CA8: variants seen among roughly 807,000 people sequenced by gnomAD.
CA8 encodes carbonic anhydrase-related protein.
In CA8, 22 loss-of-function variants were observed where a neutral mutation model predicts 41.4. That is an observed-to-expected ratio of 0.53 (90% CI 0.38 to 0.76). The LOEUF is 0.76. CA8 is among the 30% of genes least tolerant of loss of function. The pLI is 0.00. For synonymous variants in CA8, 121 were observed against 130.6 expected (o/e 0.93, Z 0.50); for missense variants, 270 against 352.8 (o/e 0.77, Z 1.88).
intron 3 of CA8, among the ~76,000 whole-genome samples, chr8:60,237,680 CCAA>C (rs548420985): frequency 7.9e-4 from 121 of 152,330 alleles, no homozygotes; most frequent in African/African-American, 2.7e-3. Flanking sequence ...ACTATGGCTA[CCAA>C]CAACAACAGC....
chr8:60,208,706 T>C (rs1806726873), intron 8 of CA8, 44 bp downstream of exon 8: 1 of 1,541,394 alleles, frequency 6.5e-7, no homozygotes, highest in Non-Finnish European at 9.0e-7. Flanking sequence ...ACGCTAGGTT[T>C]AAGTAGCTGT....
chr8:60,228,392 T>C (rs1807516198), intron 4 of CA8, among the ~76,000 whole-genome samples: 3 of 152,354 alleles, frequency 2.0e-5, no homozygotes, highest in African/African-American at 7.2e-5. Context: ...CTTACTGGTT[T>C]AACCATACTA....
chr8:60,238,537 C>T (rs1393675751), intron 3 of CA8, among the ~76,000 whole-genome samples: 4 of 152,118 alleles, frequency 2.6e-5, no homozygotes, highest in Non-Finnish European at 5.9e-5. Context: ...CTTCATAGAA[C>T]TCCCCCTCCT....
intron 3 of CA8, among the ~76,000 whole-genome samples, chr8:60,255,900 C>G (rs373967789): frequency 2.9e-4 from 43 of 146,804 alleles, no homozygotes; most frequent in African/African-American, 8.3e-4. Flanking sequence ...TCCAACATTA[C>G]GCTATTAATT....
intron 7 of CA8, among the ~76,000 whole-genome samples, chr8:60,209,760 G>A (rs1235431138): frequency 6.6e-6 from 1 of 152,120 alleles, no homozygotes; most frequent in Non-Finnish European, 1.5e-5. Flanking sequence ...CCAAATTCCT[G>A]TCTTTACAAT....
chr8:60,195,302 C>T (rs981352829), intron 8 of CA8, among the ~76,000 whole-genome samples: 1 of 152,148 alleles, frequency 6.6e-6, no homozygotes, highest in Non-Finnish European at 1.5e-5. Flanking sequence ...CTTGAATTAT[C>T]TTTTATGAAG....
intron 8 of CA8, among the ~76,000 whole-genome samples, chr8:60,192,809 ATTATT>A (rs748671224): frequency 6.6e-5 from 10 of 152,078 alleles, no homozygotes; most frequent in African/African-American, 1.7e-4. Context: ...CTTTTAGCTG[ATTATT>A]TTAACACTAG....
intron 1 of CA8, 147 bp downstream of exon 1, chr8:60,280,901 G>C: frequency 4.4e-6 from 3 of 684,940 alleles, no homozygotes. Flanking sequence ...CGCACCAGGG[G>C]AGTGGGAAAG....
At chr8:60,223,918 A>G (rs1278625978) in intron 6 of CA8, among the ~76,000 whole-genome samples, 2 of 152,228 alleles carry the variant, frequency 1.3e-5, no homozygotes, top group Non-Finnish European at 1.5e-5. Flanking sequence ...CTGAGTACTT[A>G]ATGTATAATT....
intron 3 of CA8, among the ~76,000 whole-genome samples, chr8:60,246,253 A>T (rs760214226): frequency 1.3e-5 from 2 of 150,664 alleles, no homozygotes; most frequent in African/African-American, 5.0e-5. Context: ...ATTTTTTCTA[A>T]AAGTTTTTAT....
chr8:60,216,069 G>T (rs190569591), intron 7 of CA8, among the ~76,000 whole-genome samples: 2 of 152,188 alleles, frequency 1.3e-5, no homozygotes, highest in East Asian at 3.9e-4. Flanking sequence ...GCCATTCATT[G>T]TTCCTTTTGC....
At chr8:60,237,466 G>A (rs748904785) in intron 3 of CA8, among the ~76,000 whole-genome samples, 1 of 152,152 alleles carries the variant, frequency 6.6e-6, no homozygotes, top group Non-Finnish European at 1.5e-5. Flanking sequence ...AGCAAGGGTC[G>A]GCCGCATTAG....
At chr8:60,253,538 A>G (rs192290137) in intron 3 of CA8, among the ~76,000 whole-genome samples, 65 of 151,688 alleles carry the variant, frequency 4.3e-4, no homozygotes, top group Middle Eastern at 3.4e-3. Flanking sequence ...TCCCATTCAC[A>G]TTCCACCACC....
intron 3 of CA8, among the ~76,000 whole-genome samples, chr8:60,241,866 T>C (rs1041358689): frequency 2.6e-5 from 4 of 152,228 alleles, no homozygotes; most frequent in Admixed American, 1.3e-4. Context: ...GGTCTTGTTA[T>C]AGAATGTAAG....
chr8:60,190,415 A>T (rs968013699), intron 8 of CA8, among the ~76,000 whole-genome samples: 10 of 139,222 alleles, frequency 7.2e-5, no homozygotes, highest in African/African-American at 2.1e-4. Context: ...ATTCTATTAA[A>T]TAAATAATAA....
At chr8:60,198,031 A>C (rs1330085723) in intron 8 of CA8, among the ~76,000 whole-genome samples, 1 of 152,170 alleles carries the variant, frequency 6.6e-6, no homozygotes, top group Non-Finnish European at 1.5e-5. Context: ...CAGGAATGTC[A>C]TTCCTAGGAA....
At chr8:60,208,287 A>ATGCTCCC in intron 8 of CA8, 1 of 164,914 alleles carries the variant, frequency 6.1e-6, no homozygotes, top group East Asian at 1.7e-4. Flanking sequence ...CATGCCAGAT[A>ATGCTCCC]TGCTCCCTCC....
At chr8:60,263,788 T>C (rs1660122088) in intron 3 of CA8, among the ~76,000 whole-genome samples, 1 of 152,198 alleles carries the variant, frequency 6.6e-6, no homozygotes, top group Non-Finnish European at 1.5e-5. Context: ...TCAGTTTTCA[T>C]AGTCTCCACA....
rs1807296683 is a variant in CA8 at position 60,222,776 on chromosome 8, G to A, written c.626-15C>T. The A allele has an allele frequency of 1.3e-6, 2 of 1,514,242 alleles. No individual in the cohort carries two copies. The highest frequency in any genetic ancestry group is 2.7e-5 in the African/African-American group (2 of 73,114). 93.8% of individuals were successfully genotyped at this position (1,514,242 alleles called of 1,614,324 possible). ...CAGCAGAGGGTCTGCACAGCCACGT[G>A]GACATGTAATGGAAAAGGCAAGTGA... On this transcript the variant is annotated splice_polypyrimidine_tract_variant and intron_variant, in intron 6 of 8. Transcript: ENST00000317995.
Sources: allele counts gnomAD v4.1 joint callset (sites outside exome capture counted in the v4.1 genomes callset), GRCh38; gene constraint gnomAD v4.1.1; transcripts MANE v1.5; gene names NCBI Gene and HGNC (gene_info 2026-07-23, HGNC 2026-07-21).